TAX1BP1: variants seen among roughly 807,000 people sequenced by gnomAD.
TAX1BP1 encodes tax1-binding protein 1.
Under a neutral mutation model 97.7 loss-of-function variants are expected in TAX1BP1, and 62 were observed. The observed-to-expected ratio is 0.63, with a 90% CI of 0.52 to 0.78. The LOEUF (loss-of-function observed/expected upper bound fraction) is 0.78. Ranked by LOEUF, TAX1BP1 falls within the 30% of genes least tolerant of loss-of-function variation. The probability of loss-of-function intolerance (pLI) is 0.00; values close to 1 mark genes in which losing one functional copy is unlikely to be tolerated. For missense variants in TAX1BP1, 867 were observed against 916.1 expected (o/e 0.95, Z 0.69); for synonymous variants, 340 against 304.2 (o/e 1.12, Z -1.23).
chr7:27,767,888 G>A (rs918017727), intron 4 of TAX1BP1, among the ~76,000 whole-genome samples: 2 of 151,924 alleles, frequency 1.3e-5, no homozygotes, highest in African/African-American at 2.4e-5. Context: ...ATATTTTGGT[G>A]AGTCTTTAAA....
chr7:27,793,485 T>C (rs1336539596), intron 10 of TAX1BP1, among the ~76,000 whole-genome samples: 3 of 152,192 alleles, frequency 2.0e-5, no homozygotes, highest in Admixed American at 6.5e-5. Context: ...TCTTGATAAA[T>C]ATCTGTCACT....
intron 12 of TAX1BP1, among the ~76,000 whole-genome samples, chr7:27,798,767 T>C (rs1180125457): frequency 6.6e-6 from 1 of 152,146 alleles, no homozygotes. Context: ...ATTGTGGTTT[T>C]AATGTGCATT....
chr7:27,808,221 T>A (rs1413899915), intron 13 of TAX1BP1, among the ~76,000 whole-genome samples: 1 of 152,194 alleles, frequency 6.6e-6, no homozygotes, highest in East Asian at 1.9e-4. Flanking sequence ...TTTCCCTCTC[T>A]GTATATTAAA....
intron 1 of TAX1BP1, among the ~76,000 whole-genome samples, chr7:27,746,374 G>GTT (rs1189962976): frequency 1.8e-5 from 2 of 110,638 alleles, no homozygotes; most frequent in Non-Finnish European, 3.8e-5. Context: ...CCAGTAGTGA[G>GTT]TTTTTTTTTT....
chr7:27,763,660 C>T (rs868081175), intron 3 of TAX1BP1, among the ~76,000 whole-genome samples: 2 of 151,860 alleles, frequency 1.3e-5, no homozygotes, highest in African/African-American at 2.4e-5. Context: ...TCCAGCTACT[C>T]GGGAGGCTGA....
Position 27,828,904 on chromosome 7 carries a change from A to AG in TAX1BP1, c.*77dup, listed in dbSNP as rs1350718352. On this transcript the variant is annotated 3_prime_UTR_variant, in exon 17 of 17. Transcript: ENST00000396319. ...AAACCACACCTAAAATAGACCACTG[A>AG]GGAGACCATAGAGCGGATGCTTTCA... The AG allele has an allele frequency of 8.1e-7, 1 of 1,236,094 alleles. No homozygotes were observed. The highest frequency in any genetic ancestry group is 2.4e-5 in the East Asian group (1 of 41,762). The allele number at this position is 1,236,094 out of a possible 1,614,324, so 76.6% of individuals were successfully genotyped here.
intron 5 of TAX1BP1, 82 bp downstream of exon 5, chr7:27,769,916 G>A: frequency 7.2e-7 from 1 of 1,389,974 alleles, no homozygotes; most frequent in South Asian, 1.3e-5. Context: ...AACCAATTAA[G>A]TAAGTGAAAA....
chr7:27,802,246 T>C lies in TAX1BP1; in HGVS notation c.1764+2156T>C, dbSNP rs1194442020. The stretch of plus-strand genomic sequence containing the variant: ...AGAGACCCAATCACAGCGAGTCTTT[T>C]TGAAAATAATTTGGCAGCATTGAAG... On this transcript the variant is annotated intron_variant, in intron 13 of 16. Coordinates refer to ENST00000396319, the MANE Select transcript of TAX1BP1 (RefSeq NM_006024.7). Among the ~76,000 whole-genome samples the C allele has an allele frequency of 2.8e-4, 42 of 152,194 alleles. 1 individual carries two copies. The highest frequency in any genetic ancestry group is 1.5e-5 in the Non-Finnish European group (1 of 68,026).
At chr7:27,794,589 G>T in intron 11 of TAX1BP1, 143 bp downstream of exon 11, 1 of 834,158 alleles carries the variant, frequency 1.2e-6, no homozygotes, top group Non-Finnish European at 1.8e-6. Flanking sequence ...AGAAAATAAG[G>T]GTATAAATGT....
chr7:27,817,090 A>T (rs1454945146), intron 15 of TAX1BP1, 52 bp downstream of exon 15: 1 of 1,579,160 alleles, frequency 6.3e-7, no homozygotes. Context: ...TTTTTAGCTT[A>T]TGTAGAGAGT....
rs147572864 is a variant in TAX1BP1 at position 27,801,782 on chromosome 7, A to G, written c.1764+1692A>G. On this transcript the variant is annotated intron_variant, in intron 13 of 16. Coordinates refer to ENST00000396319, the MANE Select transcript of TAX1BP1 (RefSeq NM_006024.7). Reference sequence around the variant, plus strand: ...ATATCTAAAATTACGTAGTTGGTAAATGTGTTTGGCTTTTTATTTAGTTTC... The same window carrying G: ...ATATCTAAAATTACGTAGTTGGTAAGTGTGTTTGGCTTTTTATTTAGTTTC... Among the ~76,000 whole-genome samples the G allele has an allele frequency of 1.2e-3, 189 of 152,324 alleles. 2 individuals carry two copies. Among genetic ancestry groups the G allele is most frequent in the African/African-American group, 4.3e-3 (178 of 41,574 alleles).
At chr7:27,744,471 C>T (rs1787744992) in intron 1 of TAX1BP1, among the ~76,000 whole-genome samples, 1 of 152,178 alleles carries the variant, frequency 6.6e-6, no homozygotes, top group Admixed American at 6.5e-5. Flanking sequence ...CACAGAATCA[C>T]CATAATTATA....
At chr7:27,788,028 G>A (rs765885781) in intron 8 of TAX1BP1, among the ~76,000 whole-genome samples, 5 of 152,028 alleles carry the variant, frequency 3.3e-5, no homozygotes, top group Non-Finnish European at 7.4e-5. Flanking sequence ...GTGATTCACA[G>A]TTAGTCAAAG....
At chr7:27,748,247 T>G (rs1228772842) in intron 1 of TAX1BP1, among the ~76,000 whole-genome samples, 1 of 152,192 alleles carries the variant, frequency 6.6e-6, no homozygotes, top group Non-Finnish European at 1.5e-5. Flanking sequence ...GGGCTAGGCT[T>G]TCCAGGAGAG....
In TAX1BP1 at chr7:27,803,129, CAAAG is replaced by C. The variant is rs1196209768; in HGVS notation, c.1764+3043_1764+3046del. 18 of 1,546,530 alleles carry C rather than the reference CAAAG, an allele frequency of 1.2e-5. No homozygotes were observed. The East Asian group carries it at 3.9e-4, about 34-fold the overall frequency. On this transcript the variant is annotated intron_variant, in intron 13 of 16. Transcript: ENST00000396319. Reference sequence around the variant, plus strand: ...TTCAGCTTCAATTGGCAGAGAAAGACAAAGAAATAAGTGGTCTGATTTCACATTT... The same window carrying C: ...TTCAGCTTCAATTGGCAGAGAAAGACAAATAAGTGGTCTGATTTCACATTT...
At chr7:27,745,607 A>G (rs1475621473) in intron 1 of TAX1BP1, among the ~76,000 whole-genome samples, 1 of 152,176 alleles carries the variant, frequency 6.6e-6, no homozygotes, top group African/African-American at 2.4e-5. Flanking sequence ...TGTTGGAGAG[A>G]GATTAATGAA....
At chr7:27,788,392 A>G (rs1054485050) in intron 8 of TAX1BP1, among the ~76,000 whole-genome samples, 4 of 152,052 alleles carry the variant, frequency 2.6e-5, no homozygotes, top group Non-Finnish European at 5.9e-5. Flanking sequence ...AGCAATCTGT[A>G]TAAACACCCT....
Position 27,829,515 on chromosome 7 carries a change from A to G in TAX1BP1, c.*686A>G, listed in dbSNP as rs1264791728. 1 of 152,194 alleles carries G rather than the reference A, an allele frequency of 6.6e-6. No homozygotes were observed. Among genetic ancestry groups the G allele is most frequent in the African/African-American group, 2.4e-5 (1 of 41,450 alleles). The allele number at this position is 152,194 out of a possible 1,614,324, so 9.4% of individuals were successfully genotyped here. A position where few individuals can be genotyped will look rare whatever the true frequency, so the allele number is the denominator to read the frequency against. On this transcript the variant is annotated 3_prime_UTR_variant, in exon 17 of 17. Coordinates refer to ENST00000396319, the MANE Select transcript of TAX1BP1 (RefSeq NM_006024.7). ...ATCTAATGGGAAAATGGAACAAGAG[A>G]TGTCAGTATAATTGTTTTCCTATTA...
intron 2 of TAX1BP1, among the ~76,000 whole-genome samples, chr7:27,753,008 A>C (rs1788078180): frequency 6.6e-6 from 1 of 152,216 alleles, no homozygotes. Flanking sequence ...TTAGAACTGC[A>C]CCTGATGCAG....
Sources: allele counts gnomAD v4.1 joint callset (sites outside exome capture counted in the v4.1 genomes callset), GRCh38; gene constraint gnomAD v4.1.1; transcripts MANE v1.5; gene names NCBI Gene and HGNC (gene_info 2026-07-23, HGNC 2026-07-21).